The following CTNND2 variants were observed in gnomAD, a reference collection of about 807,000 sequenced individuals.
CTNND2 encodes the protein catenin delta-2.
CTNND2 carries 22 observed loss-of-function variants against 144.4 expected under a neutral mutation model. The observed-to-expected ratio is 0.15, with a 90% CI of 0.11 to 0.22. CTNND2 has a LOEUF of 0.22. Ranked by LOEUF, CTNND2 falls within the 10% of genes least tolerant of loss-of-function variation. CTNND2 has a pLI of 1.00. For missense variants in CTNND2, 1,353 were observed against 1,618.8 expected, an observed-to-expected ratio of 0.84 and a Z score of 2.82; for synonymous variants, 751 against 695.6, an observed-to-expected ratio of 1.08 and a Z score of -1.25.
At chr5:11,355,347 A>G (rs1193595731) in intron 8 of CTNND2, among the ~76,000 whole-genome samples, 2 of 152,148 alleles carry the variant, frequency 1.3e-5, no homozygotes, top group African/African-American at 4.8e-5. Context: ...GGATGCAAGA[A>G]TTATTTAATA....
intron 1 of CTNND2, among the ~76,000 whole-genome samples, chr5:11,748,152 A>G (rs1056323169): frequency 3.3e-5 from 5 of 152,040 alleles, no homozygotes; most frequent in African/African-American, 1.2e-4. Context: ...ACTACCATTG[A>G]CTTAGCAGTT....
intron 2 of CTNND2, among the ~76,000 whole-genome samples, chr5:11,694,383 C>A (rs985426278): frequency 6.0e-5 from 9 of 149,608 alleles, no homozygotes; most frequent in Admixed American, 5.3e-4. Context: ...TGCAGTGAGC[C>A]GAGATTGCAG....
chr5:11,703,391 T>C (rs1785543477), intron 2 of CTNND2, among the ~76,000 whole-genome samples: 1 of 152,184 alleles, frequency 6.6e-6, no homozygotes, highest in South Asian at 2.1e-4. Context: ...GATACATGCA[T>C]GGTACCTGAA....
intron 9 of CTNND2, among the ~76,000 whole-genome samples, chr5:11,274,653 A>C (rs912907606): frequency 1.3e-5 from 2 of 152,024 alleles, no homozygotes; most frequent in African/African-American, 4.8e-5. Context: ...GATTTAATCT[A>C]TTGGAAATAG....
At chr5:11,119,824 C>T (rs1320588042) in intron 12 of CTNND2, among the ~76,000 whole-genome samples, 2 of 152,132 alleles carry the variant, frequency 1.3e-5, no homozygotes, top group Non-Finnish European at 2.9e-5. Flanking sequence ...TGTGTACACC[C>T]TGATCTGAAA....
At chr5:11,809,029 C>G (rs1222614117) in intron 1 of CTNND2, among the ~76,000 whole-genome samples, 1 of 152,152 alleles carries the variant, frequency 6.6e-6, no homozygotes, top group East Asian at 1.9e-4. Context: ...GAAGAAAATT[C>G]TTGGGATATA....
intron 1 of CTNND2, among the ~76,000 whole-genome samples, chr5:11,807,169 C>T (rs1449333572): frequency 6.6e-6 from 1 of 152,014 alleles, no homozygotes; most frequent in East Asian, 1.9e-4. Flanking sequence ...CAACTTGTTC[C>T]TTCATTTCTT....
intron 2 of CTNND2, among the ~76,000 whole-genome samples, chr5:11,607,369 T>C (rs10055710): frequency 0.5 from 75,410 of 151,960 alleles, 19,569 homozygotes; most frequent in Middle Eastern, 0.7. Flanking sequence ...GTATGGTCTC[T>C]GTATCTGACA....
At chr5:11,347,896 G>A (rs1754954609) in intron 8 of CTNND2, among the ~76,000 whole-genome samples, 1 of 152,168 alleles carries the variant, frequency 6.6e-6, no homozygotes, top group Admixed American at 6.5e-5. Flanking sequence ...TAAGGAAATT[G>A]TGTCGAAATG....
intron 15 of CTNND2, among the ~76,000 whole-genome samples, chr5:11,094,914 C>T (rs577592052): frequency 3.3e-5 from 5 of 152,274 alleles, no homozygotes; most frequent in African/African-American, 7.2e-5. Context: ...ATTCTCTACT[C>T]GCTTAGCAGT....
chr5:11,445,168 G>C (rs1368245961), intron 3 of CTNND2, among the ~76,000 whole-genome samples: 2 of 152,074 alleles, frequency 1.3e-5, no homozygotes, highest in African/African-American at 4.8e-5. Flanking sequence ...TTCCCTGCTG[G>C]CTTCTGCTGG....
At chr5:11,348,544 C>T (rs1755031663) in intron 8 of CTNND2, among the ~76,000 whole-genome samples, 2 of 151,242 alleles carry the variant, frequency 1.3e-5, no homozygotes, top group Admixed American at 6.6e-5. Context: ...TTTAATCTTG[C>T]TGAAAATGGT....
At chr5:11,439,738 C>CTATA (rs1291278488) in intron 3 of CTNND2, among the ~76,000 whole-genome samples, 2 of 128,806 alleles carry the variant, frequency 1.6e-5, no homozygotes, top group African/African-American at 6.1e-5. Context: ...TCTCTGCTAG[C>CTATA]TATATCTATC....
intron 2 of CTNND2, among the ~76,000 whole-genome samples, chr5:11,580,230 T>A (rs1363469002): frequency 6.6e-6 from 1 of 152,158 alleles, no homozygotes; most frequent in African/African-American, 2.4e-5. Flanking sequence ...GTTATTTCTG[T>A]TTTACAGATG....
At chr5:11,047,893 T>C (rs1745435341) in intron 16 of CTNND2, among the ~76,000 whole-genome samples, 1 of 152,104 alleles carries the variant, frequency 6.6e-6, no homozygotes, top group African/African-American at 2.4e-5. Flanking sequence ...GACTCTCAGG[T>C]TTAAGTCCTG....
chr5:11,289,950 G>C, intron 9 of CTNND2, among the ~76,000 whole-genome samples: 1 of 152,166 alleles, frequency 6.6e-6, no homozygotes, highest in East Asian at 1.9e-4. Context: ...CAGAAGGTGG[G>C]GCACTATGGT....
At chr5:11,433,051 T>C (rs150834719) in intron 3 of CTNND2, among the ~76,000 whole-genome samples, 1,999 of 152,292 alleles carry the variant, frequency 0.013, 55 homozygotes, top group African/African-American at 0.046. Flanking sequence ...GAGACCATCC[T>C]GGCTAACATG....
chr5:11,076,469 T>C (rs1450087499), intron 16 of CTNND2, among the ~76,000 whole-genome samples: 2 of 152,260 alleles, frequency 1.3e-5, no homozygotes, highest in African/African-American at 2.4e-5. Context: ...TTTTCACTGA[T>C]GCTAATTATT....
intron 18 of CTNND2, among the ~76,000 whole-genome samples, chr5:10,994,565 G>A (rs1347011126): frequency 6.6e-6 from 1 of 151,996 alleles, no homozygotes; most frequent in Non-Finnish European, 1.5e-5. Flanking sequence ...AGGTGCTGTC[G>A]GGAGCCTTAA....
Sources: allele counts gnomAD v4.1 joint callset (sites outside exome capture counted in the v4.1 genomes callset), GRCh38; gene constraint gnomAD v4.1.1; transcripts MANE v1.5; gene names NCBI Gene and HGNC (gene_info 2026-07-23, HGNC 2026-07-21).